PTAR1: variants seen among roughly 807,000 people sequenced by gnomAD.
PTAR1 encodes the protein protein prenyltransferase alpha subunit repeat-containing protein 1.
In PTAR1, 17 loss-of-function variants were observed where a neutral mutation model predicts 45.5. The observed-to-expected ratio is 0.37, with a 90% CI of 0.26 to 0.56. The LOEUF is 0.56. Among genes scored for constraint, PTAR1 ranks in the 20% least tolerant of loss-of-function variants. The probability of loss-of-function intolerance (pLI) is 0.77; values close to 1 mark genes in which losing one functional copy is unlikely to be tolerated. For missense variants in PTAR1, 391 were observed against 476.3 expected (o/e 0.82, Z 1.67); for synonymous variants, 169 against 171.3 (o/e 0.99, Z 0.11).
At chr9:69,747,902 G>C (rs1826345816) in intron 2 of PTAR1, among the ~76,000 whole-genome samples, 2 of 152,198 alleles carry the variant, frequency 1.3e-5, no homozygotes, top group Non-Finnish European at 2.9e-5. Context: ...GAAGGCCCTT[G>C]AATACCATGC....
rs1824592927 is a variant in PTAR1 at position 69,713,182 on chromosome 9, A to C, written c.*5160T>G. 6.6e-6 allele frequency: 1 copy of C among 152,098 alleles called. No individual in the cohort carries two copies. The allele number at this position is 152,098 out of a possible 1,614,324, so 9.4% of individuals were successfully genotyped here. ...AGCACAAGGTTTCATCAGCAGACTA[A>C]ACTACTGCCCTGTATTGTTCTTAGC... On this transcript the variant is annotated 3_prime_UTR_variant, in exon 8 of 8. Coordinates refer to ENST00000340434, the MANE Select transcript of PTAR1 (RefSeq NM_001099666.2).
At chr9:69,722,939 C>CAAAAA (rs35037746) in intron 6 of PTAR1, among the ~76,000 whole-genome samples, 7 of 99,782 alleles carry the variant, frequency 7.0e-5, no homozygotes, top group Non-Finnish European at 8.0e-5. Flanking sequence ...AACTCTATCT[C>CAAAAA]AAAAAAAAAA....
At chr9:69,750,444 C>G (rs900256820) in intron 2 of PTAR1, among the ~76,000 whole-genome samples, 2 of 151,860 alleles carry the variant, frequency 1.3e-5, no homozygotes, top group African/African-American at 4.8e-5. Flanking sequence ...CCTATAGGGA[C>G]TAGAGTCTTC....
intron 2 of PTAR1, among the ~76,000 whole-genome samples, chr9:69,745,094 C>T (rs1322859514): frequency 6.6e-6 from 1 of 152,180 alleles, no homozygotes; most frequent in African/African-American, 2.4e-5. Context: ...TCCATTTCTC[C>T]ACAGCTTTTT....
intron 5 of PTAR1, among the ~76,000 whole-genome samples, chr9:69,729,989 T>C (rs545605064): frequency 6.6e-6 from 1 of 152,314 alleles, no homozygotes; most frequent in South Asian, 2.1e-4. Context: ...AGTTAAAAAA[T>C]GCTGGCTCAT....
chr9:69,727,240 C>T (rs1036983388), intron 5 of PTAR1, among the ~76,000 whole-genome samples: 1 of 151,914 alleles, frequency 6.6e-6, no homozygotes, highest in African/African-American at 2.4e-5. Context: ...CAGTAATTAC[C>T]ATGTTCTACC....
chr9:69,745,842 GTAATTCC>G (rs1826252044), intron 2 of PTAR1, among the ~76,000 whole-genome samples: 1 of 152,192 alleles, frequency 6.6e-6, no homozygotes. Context: ...GGACTGAATG[GTAATTCC>G]TGTTACAAAG....
rs755139913 is a variant in PTAR1, at chr9:69,715,196, G to T, written c.*3146C>A. The T allele has an allele frequency of 5.9e-5, 9 of 151,720 alleles. No individual in the cohort carries two copies. The highest frequency in any genetic ancestry group is 1.2e-4 in the Non-Finnish European group (8 of 67,910). 9.4% of individuals were successfully genotyped at this position (151,720 alleles called of 1,614,324 possible). The stretch of plus-strand genomic sequence containing the variant: ...ATTTAACAAGTTTAAACAAGGTAAT[G>T]AAATGAAGAAAAAAAAAGTCTAAAT... On this transcript the variant is annotated 3_prime_UTR_variant, in exon 8 of 8. Transcript: ENST00000340434.
At chr9:69,756,736 C>A (rs1826795666) in intron 1 of PTAR1, among the ~76,000 whole-genome samples, 2 of 152,082 alleles carry the variant, frequency 1.3e-5, no homozygotes, top group African/African-American at 4.8e-5. Flanking sequence ...AGCCTCCTCT[C>A]CACTTCTATT....
chr9:69,723,263 C>A, intron 6 of PTAR1, 63 bp downstream of exon 6: 1 of 1,392,836 alleles, frequency 7.2e-7, no homozygotes, highest in Non-Finnish European at 1.0e-6. Flanking sequence ...GTAACTAACA[C>A]TTTCTGCAGC....
rs1477078651 is a variant in PTAR1, at chr9:69,709,799, T to C, written c.*8543A>G. 3.9e-5 allele frequency: 6 copies of C among 152,106 alleles called. No homozygotes were observed. The highest frequency in any genetic ancestry group is 5.9e-5 in the Non-Finnish European group (4 of 67,980). 9.4% of individuals were successfully genotyped at this position (152,106 alleles called of 1,614,324 possible). A position where few individuals can be genotyped will look rare whatever the true frequency, so the allele number is the denominator to read the frequency against. ...ATACATGATTATATTGTAAGAATAATATAAAAACAAAATAGGTAAGATATA... is the reference window on the plus strand; with the variant it reads ...ATACATGATTATATTGTAAGAATAACATAAAAACAAAATAGGTAAGATATA... On this transcript the variant is annotated 3_prime_UTR_variant, in exon 8 of 8. Transcript: ENST00000340434.
At chr9:69,756,500 G>T (rs1826782998) in intron 1 of PTAR1, among the ~76,000 whole-genome samples, 1 of 152,068 alleles carries the variant, frequency 6.6e-6, no homozygotes, top group Non-Finnish European at 1.5e-5. Context: ...TCAAATGGAG[G>T]TACTCTTTTG....
chr9:69,748,811 T>C (rs1266660786), intron 2 of PTAR1, among the ~76,000 whole-genome samples: 3 of 152,292 alleles, frequency 2.0e-5, no homozygotes, highest in African/African-American at 7.2e-5. Flanking sequence ...GAATACTCTT[T>C]TATTTTCAGA....
Position 69,734,258 on chromosome 9 carries a change from T to TAAA in PTAR1, c.324-7_324-5dup, listed in dbSNP as rs398010830. On this transcript the variant is annotated splice_polypyrimidine_tract_variant and splice_region_variant and intron_variant, in intron 3 of 7. Transcript: ENST00000340434. ...GCCAGAGAGGATCAGCTCTTTCCTG[T>TAAA]AAAAAAAAAAAAAAAAAAAAAAAAA... 28,306 of 205,920 alleles carry TAAA rather than the reference T, an allele frequency of 0.14. 4,079 individuals are homozygous for TAAA. The highest frequency in any genetic ancestry group is 0.21 in the Admixed American group (2,298 of 10,846). 12.8% of individuals were successfully genotyped at this position (205,920 alleles called of 1,614,324 possible). A position where few individuals can be genotyped will look rare whatever the true frequency, so the allele number is the denominator to read the frequency against.
Position 69,750,831 on chromosome 9 carries a change from T to G in PTAR1, c.206A>C (p.His69Pro). 6.2e-7 allele frequency: 1 copy of G among 1,611,734 alleles called. No individual in the cohort carries two copies. The highest frequency in any genetic ancestry group is 8.5e-7 in the Non-Finnish European group (1 of 1,178,680). Residue 69 changes from histidine to proline, a missense_variant, in exon 2 of 8, where the codon CAC becomes CCC. Physicochemically the swap from His to Pro is moderately conservative, Grantham distance 77 (BLOSUM62 -2). Coordinates refer to ENST00000340434, the MANE Select transcript of PTAR1 (RefSeq NM_001099666.2). ...WCVKFLLPYV[H>P]NKLLLYRTRK... ...TGTTCTGTACAAAAGGAGCTTGTTG[T>G]GGACATATGGTAAAAGGAACTTGAC...
intron 2 of PTAR1, among the ~76,000 whole-genome samples, chr9:69,747,746 A>C (rs1826338492): frequency 6.6e-6 from 1 of 152,206 alleles, no homozygotes; most frequent in Admixed American, 6.5e-5. Context: ...GACAGAAATC[A>C]GATTTATCCA....
intron 3 of PTAR1, among the ~76,000 whole-genome samples, chr9:69,735,948 A>AAT (rs56783197): frequency 1.3e-5 from 2 of 148,738 alleles, no homozygotes; most frequent in South Asian, 2.1e-4. Flanking sequence ...ATATATATAT[A>AAT]ATATATATAT....
intron 5 of PTAR1, among the ~76,000 whole-genome samples, chr9:69,730,829 C>G (rs1304002820): frequency 1.3e-5 from 2 of 151,828 alleles, no homozygotes; most frequent in Non-Finnish European, 2.9e-5. Context: ...AAACTGGTAG[C>G]CAATTTTCTA....
At chr9:69,742,492 G>A (rs1826085639) in intron 2 of PTAR1, among the ~76,000 whole-genome samples, 3 of 151,724 alleles carry the variant, frequency 2.0e-5, no homozygotes, top group South Asian at 4.2e-4. Context: ...TACTCTTTAG[G>A]CTGTTTCCTG....
Sources: allele counts gnomAD v4.1 joint callset (sites outside exome capture counted in the v4.1 genomes callset), GRCh38; gene constraint gnomAD v4.1.1; transcripts MANE v1.5; gene names NCBI Gene and HGNC (gene_info 2026-07-23, HGNC 2026-07-21).